The following AGBL4 variants were observed in gnomAD, a reference collection of about 807,000 sequenced individuals.
AGBL4 encodes AGBL carboxypeptidase 4, also known as cytosolic carboxypeptidase 6.
Under a neutral mutation model 66.4 loss-of-function variants are expected in AGBL4, and 58 were observed. That is an observed-to-expected ratio of 0.87 (90% CI 0.71 to 1.09). The LOEUF is 1.09. AGBL4 is among the 50% of genes least tolerant of loss of function. The pLI is 0.00. For missense variants in AGBL4, 579 were observed against 631.0 expected (o/e 0.92, Z 0.88); for synonymous variants, 234 against 222.9 (o/e 1.05, Z -0.44).
chr1:49,283,242 C>T (rs755367222), intron 3 of AGBL4, among the ~76,000 whole-genome samples: 1 of 152,196 alleles, frequency 6.6e-6, no homozygotes, highest in Non-Finnish European at 1.5e-5. Context: ...AACTGGGAGG[C>T]ACCCCCAAGC....
intron 3 of AGBL4, among the ~76,000 whole-genome samples, chr1:49,427,763 A>C (rs1249853989): frequency 6.6e-6 from 1 of 152,174 alleles, no homozygotes; most frequent in Admixed American, 6.5e-5. Context: ...GCAGAATGGG[A>C]CCTGAGCAGG....
intron 4 of AGBL4, among the ~76,000 whole-genome samples, chr1:49,193,246 A>G (rs1199626537): frequency 6.8e-6 from 1 of 147,574 alleles, no homozygotes; most frequent in African/African-American, 2.5e-5. Flanking sequence ...TTTTTCTGGT[A>G]GCTTTGTGTT....
At chr1:49,283,478 G>C (rs892142710) in intron 3 of AGBL4, among the ~76,000 whole-genome samples, 4 of 152,204 alleles carry the variant, frequency 2.6e-5, no homozygotes, top group African/African-American at 9.7e-5. Flanking sequence ...TCCTCCAAAG[G>C]AACGCAGTTC....
chr1:49,617,226 A>G (rs1383048884), intron 3 of AGBL4, among the ~76,000 whole-genome samples: 3 of 152,230 alleles, frequency 2.0e-5, no homozygotes, highest in East Asian at 3.9e-4. Context: ...CAGTCATGCT[A>G]TCACTCAAGA....
At chr1:49,441,211 T>G (rs1287577903) in intron 3 of AGBL4, among the ~76,000 whole-genome samples, 4 of 152,156 alleles carry the variant, frequency 2.6e-5, no homozygotes, top group Non-Finnish European at 5.9e-5. Flanking sequence ...AATAAATGCT[T>G]GAGTTTTCTA....
chr1:49,359,437 A>T (rs1644091487), intron 3 of AGBL4, among the ~76,000 whole-genome samples: 1 of 152,208 alleles, frequency 6.6e-6, no homozygotes, highest in South Asian at 2.1e-4. Flanking sequence ...GACATATAGC[A>T]TATGTTCAAT....
intron 4 of AGBL4, among the ~76,000 whole-genome samples, chr1:49,220,242 T>C (rs1649396329): frequency 1.3e-5 from 2 of 152,162 alleles, no homozygotes; most frequent in South Asian, 4.1e-4. Flanking sequence ...TCCCTGTTGC[T>C]TTTGCAGGTC....
chr1:49,745,877 C>A (rs1435367972), intron 2 of AGBL4, among the ~76,000 whole-genome samples: 5 of 151,820 alleles, frequency 3.3e-5, no homozygotes. Context: ...AAAAACCCAA[C>A]TAGACTTAAC....
intron 3 of AGBL4, among the ~76,000 whole-genome samples, chr1:49,306,940 A>AGTT (rs1644858561): frequency 6.6e-6 from 1 of 152,168 alleles, no homozygotes; most frequent in African/African-American, 2.4e-5. Context: ...AGGCTAAGAA[A>AGTT]GTTTAGATCA....
chr1:49,021,372 C>A (rs1047207673), intron 5 of AGBL4, among the ~76,000 whole-genome samples: 8 of 152,168 alleles, frequency 5.3e-5, no homozygotes, highest in African/African-American at 1.9e-4. Flanking sequence ...GTCCCCTTCC[C>A]TCTCCAAATT....
intron 9 of AGBL4, among the ~76,000 whole-genome samples, chr1:48,633,300 C>T (rs563008504): frequency 6.6e-6 from 1 of 152,256 alleles, no homozygotes; most frequent in South Asian, 2.1e-4. Context: ...CTGATCAATA[C>T]CTATGTCGCT....
At chr1:48,747,234 G>A (rs1650912633) in intron 6 of AGBL4, among the ~76,000 whole-genome samples, 1 of 152,160 alleles carries the variant, frequency 6.6e-6, no homozygotes, top group African/African-American at 2.4e-5. Context: ...TTTGTGGGAA[G>A]AGTAGGAATT....
At chr1:50,004,316 G>T (rs901399825) in intron 1 of AGBL4, among the ~76,000 whole-genome samples, 4 of 152,128 alleles carry the variant, frequency 2.6e-5, no homozygotes, top group African/African-American at 9.7e-5. Context: ...CACCACCATG[G>T]ACAAAAGGGC....
intron 3 of AGBL4, among the ~76,000 whole-genome samples, chr1:49,296,651 C>T (rs1247928071): frequency 6.6e-6 from 1 of 152,108 alleles, no homozygotes. Context: ...AAGGTCATAG[C>T]CCTGTGAGTT....
intron 4 of AGBL4, among the ~76,000 whole-genome samples, chr1:49,068,366 G>A (rs1644531522): frequency 4.6e-5 from 7 of 151,750 alleles, no homozygotes; most frequent in Admixed American, 4.6e-4. Flanking sequence ...TTCTCCTAAT[G>A]CTATCCCTCC....
intron 5 of AGBL4, among the ~76,000 whole-genome samples, chr1:48,873,606 C>T (rs1039549713): frequency 6.6e-6 from 1 of 152,098 alleles, no homozygotes; most frequent in Non-Finnish European, 1.5e-5. Context: ...ACAGATAATG[C>T]TCAATTCAGA....
At chr1:48,730,729 G>A (rs990088006) in intron 6 of AGBL4, among the ~76,000 whole-genome samples, 2 of 152,142 alleles carry the variant, frequency 1.3e-5, no homozygotes, top group Non-Finnish European at 2.9e-5. Flanking sequence ...TGCAGTTGCC[G>A]GGAATGTCTC....
chr1:49,351,584 T>C (rs1212485482), intron 3 of AGBL4, among the ~76,000 whole-genome samples: 2 of 152,140 alleles, frequency 1.3e-5, no homozygotes, highest in African/African-American at 4.8e-5. Flanking sequence ...ATGAGATTGG[T>C]AAGGTCCCAT....
At chr1:49,319,898 C>G (rs1315722248) in intron 3 of AGBL4, among the ~76,000 whole-genome samples, 4 of 152,118 alleles carry the variant, frequency 2.6e-5, no homozygotes, top group African/African-American at 9.7e-5. Context: ...AGTCCCACCT[C>G]TTAATACTGT....
Sources: gnomAD v4.1 joint callset for allele counts (sites outside exome capture counted in the v4.1 genomes callset) on GRCh38, gnomAD v4.1.1 for gene constraint, MANE v1.5 for transcripts, NCBI Gene and HGNC (gene_info 2026-07-23, HGNC 2026-07-21) for gene names.